NTNG2: variants seen among roughly 807,000 people sequenced by gnomAD.
NTNG2 encodes the protein netrin-G2.
In NTNG2, 15 loss-of-function variants were observed where a neutral mutation model predicts 47.6. The observed-to-expected ratio is 0.32, with a 90% CI of 0.21 to 0.49. The LOEUF is 0.49. Among genes scored for constraint, NTNG2 ranks in the 20% least tolerant of loss-of-function variants. NTNG2 has a pLI of 0.99. For missense variants in NTNG2, 578 were observed against 764.6 expected (o/e 0.76, Z 2.88); for synonymous variants, 307 against 324.6 (o/e 0.95, Z 0.58).
intron 2 of NTNG2, among the ~76,000 whole-genome samples, chr9:132,168,584 G>A (rs1835665040): frequency 6.6e-6 from 1 of 152,108 alleles, no homozygotes; most frequent in African/African-American, 2.4e-5. Context: ...GGAGAAGGCG[G>A]CACGAAGCCA....
In NTNG2 at chr9:132,241,010, C is replaced by T; in HGVS notation, c.1323C>T (p.Cys441=). 2 of 1,608,324 alleles carry T rather than the reference C, an allele frequency of 1.2e-6. No homozygotes were observed. The highest frequency in any genetic ancestry group is 4.5e-5 in the East Asian group (2 of 44,836). Residue 441 remains cysteine (C), a synonymous_variant, in exon 7 of 8, where the codon TGC becomes TGT. Transcript: ENST00000393229. Reference sequence around the variant, plus strand: ...CGGCGGGCCCCAAGTGCGACGACTGCCTCCCCACGCACTACTGGCGCCAGG... The same window carrying T: ...CGGCGGGCCCCAAGTGCGACGACTGTCTCCCCACGCACTACTGGCGCCAGG... ...EGAAGPKCDD[C]LPTHYWRQGC...
chr9:132,175,990 T>C (rs979357144), intron 2 of NTNG2, among the ~76,000 whole-genome samples: 21 of 152,158 alleles, frequency 1.4e-4, no homozygotes, highest in African/African-American at 5.1e-4. Context: ...AATAATCATT[T>C]TAAAAAAGAT....
rs1323600294 is a variant in NTNG2 at position 132,239,217 on chromosome 9, C to A, written c.1168C>A (p.Leu390Met). The A allele has an allele frequency of 1.9e-6, 3 of 1,613,720 alleles. No individual in the cohort carries two copies. Among genetic ancestry groups the A allele is most frequent in the Non-Finnish European group, 8.5e-7 (1 of 1,180,044 alleles). Residue 390 changes from leucine (L) to methionine (M), a missense_variant, in exon 6 of 8, where the codon CTG (leucine) becomes ATG (methionine). Physicochemically the swap from Leu to Met is conservative, Grantham distance 15 (BLOSUM62 2). Transcript: ENST00000393229. ...AGGTCAGCACTGCCAGCACTGCCGGCTGGGCTACTACCGCAACGGCTCGGC... is the reference window on the plus strand; with the variant it reads ...AGGTCAGCACTGCCAGCACTGCCGGATGGGCTACTACCGCAACGGCTCGGC... Reference protein sequence around the residue: ...TRGQHCQHCRLGYYRNGSAEL... With the variant: ...TRGQHCQHCRMGYYRNGSAEL...
chr9:132,222,025 G>T (rs548013389), intron 3 of NTNG2, among the ~76,000 whole-genome samples: 2 of 152,228 alleles, frequency 1.3e-5, no homozygotes, highest in African/African-American at 4.8e-5. Flanking sequence ...AGCCAGCTCA[G>T]GGGGGTGTTA....
At chr9:132,219,398 C>A (rs1840201456) in intron 3 of NTNG2, among the ~76,000 whole-genome samples, 1 of 151,644 alleles carries the variant, frequency 6.6e-6, no homozygotes, top group African/African-American at 2.4e-5. Context: ...CATGGCAAAA[C>A]CCCATCTGTA....
At chr9:132,184,676 C>A (rs1306303020) in intron 2 of NTNG2, among the ~76,000 whole-genome samples, 1 of 152,204 alleles carries the variant, frequency 6.6e-6, no homozygotes, top group African/African-American at 2.4e-5. Flanking sequence ...GTAATCCCAG[C>A]ACTTTGGGAG....
chr9:132,201,970 G>A lies in NTNG2; in HGVS notation c.857+3361G>A, dbSNP rs111799027. 3.3e-5 allele frequency among the ~76,000 whole-genome samples: 5 copies of A among 152,148 alleles called. No homozygotes were observed. In the South Asian group the frequency reaches 6.2e-4, roughly 19 times the overall value. On this transcript the variant is annotated intron_variant, in intron 3 of 7. Coordinates refer to ENST00000393229, the MANE Select transcript of NTNG2 (RefSeq NM_032536.4). The stretch of plus-strand genomic sequence containing the variant: ...AGAGAATAGAAGGAGATTGCACAGC[G>A]CCACTACATGGCAGACAGCTAACAT...
At chr9:132,227,494 G>A (rs1840866216) in intron 4 of NTNG2, among the ~76,000 whole-genome samples, 1 of 152,200 alleles carries the variant, frequency 6.6e-6, no homozygotes, top group South Asian at 2.1e-4. Flanking sequence ...CAGGTGAGGG[G>A]ATCAGTAGCA....
At chr9:132,217,276 C>T (rs1347503128) in intron 3 of NTNG2, among the ~76,000 whole-genome samples, 3 of 152,160 alleles carry the variant, frequency 2.0e-5, no homozygotes, top group Non-Finnish European at 4.4e-5. Flanking sequence ...CTTCATCTCC[C>T]GAGGGCCTTC....
chr9:132,188,800 G>C (rs1837607248), intron 2 of NTNG2, among the ~76,000 whole-genome samples: 1 of 152,154 alleles, frequency 6.6e-6, no homozygotes, highest in Admixed American at 6.5e-5. Context: ...TAACCTCATT[G>C]AGCGTTCATT....
rs559520664 is a variant in NTNG2, at chr9:132,241,487, C to G, written c.1358-389C>G. On this transcript the variant is annotated intron_variant, in intron 7 of 7. Transcript: ENST00000393229. ...GGTGGGAACTACGAGAAAGACCGAG[C>G]TGGGGTTGGTTGGAAAGGTATTTGC... is the stretch of plus-strand genomic sequence containing the variant. The G allele has an allele frequency of 8.9e-4, 292 of 327,138 alleles. 1 individual carries two copies. Among genetic ancestry groups the G allele is most frequent in the African/African-American group, 6.1e-3 (276 of 44,946 alleles). 20.3% of individuals were successfully genotyped at this position (327,138 alleles called of 1,614,324 possible).
chr9:132,204,485 C>T (rs933312608), intron 3 of NTNG2, among the ~76,000 whole-genome samples: 1 of 152,060 alleles, frequency 6.6e-6, no homozygotes, highest in African/African-American at 2.4e-5. Context: ...CAGAGACAGG[C>T]GATTTCAGCC....
chr9:132,189,532 G>A (rs1837698014), intron 2 of NTNG2, among the ~76,000 whole-genome samples: 1 of 152,144 alleles, frequency 6.6e-6, no homozygotes, highest in Non-Finnish European at 1.5e-5. Context: ...CCGGGCATTG[G>A]GAGGGCACCT....
At chr9:132,175,391 C>A (rs1836350555) in intron 2 of NTNG2, among the ~76,000 whole-genome samples, 1 of 152,164 alleles carries the variant, frequency 6.6e-6, no homozygotes, top group Non-Finnish European at 1.5e-5. Context: ...TTGAGAGGAA[C>A]CCAGAACATG....
intron 2 of NTNG2, among the ~76,000 whole-genome samples, chr9:132,186,702 C>CT (rs1414113916): frequency 6.6e-6 from 1 of 152,284 alleles, no homozygotes; most frequent in African/African-American, 2.4e-5. Context: ...TGTAAGAAGA[C>CT]TAAGCAGTCG....
rs1841618120 is a variant in NTNG2, at chr9:132,236,246, T to C, written c.1055-2858T>C. On this transcript the variant is annotated intron_variant, in intron 5 of 7. Transcript: ENST00000393229. The surrounding 1 kb of genome is among the most constrained non-coding windows in gnomAD (Gnocchi z 4.3). ...GCCAGCCGGGGCAAAGGCTTGGCAG[T>C]GGGATGGCAGGGAGCCTGACAAAGT... is the stretch of plus-strand genomic sequence containing the variant. Among the ~76,000 whole-genome samples, 1 of 151,810 alleles carries C rather than the reference T, an allele frequency of 6.6e-6. No individual in the cohort carries two copies. The highest frequency in any genetic ancestry group is 1.5e-5 in the Non-Finnish European group (1 of 67,936).
intron 3 of NTNG2, among the ~76,000 whole-genome samples, chr9:132,201,641 G>A (rs912777399): frequency 3.3e-5 from 5 of 152,310 alleles, no homozygotes; most frequent in East Asian, 1.9e-4. Context: ...TCAGAATTTC[G>A]TGACTGCCAT....
chr9:132,212,432 C>T (rs1424734663), intron 3 of NTNG2, among the ~76,000 whole-genome samples: 1 of 152,162 alleles, frequency 6.6e-6, no homozygotes, highest in African/African-American at 2.4e-5. Context: ...TGTTAAAGCA[C>T]TTAATAGAAA....
intron 3 of NTNG2, among the ~76,000 whole-genome samples, chr9:132,203,028 C>T (rs925703499): frequency 5.3e-5 from 8 of 152,252 alleles, no homozygotes; most frequent in South Asian, 2.1e-4. Context: ...TCTGGTTAGA[C>T]GGTGGGAGAG....
Sources: allele counts gnomAD v4.1 joint callset (sites outside exome capture counted in the v4.1 genomes callset), GRCh38; gene constraint gnomAD v4.1.1; non-coding constraint Gnocchi (gnomAD v3.1); transcripts MANE v1.5; gene names NCBI Gene and HGNC (gene_info 2026-07-23, HGNC 2026-07-21).